Variants in ABI3 observed in about 807,000 individuals in gnomAD.
The protein encoded by ABI3 is ABI family member 3.
In ABI3, 24 loss-of-function variants were observed where a neutral mutation model predicts 37.0. The ratio of observed to expected loss-of-function variants is 0.65; its 90% CI spans 0.47 to 0.91. ABI3 has a LOEUF of 0.91. ABI3 is among the 40% of genes least tolerant of loss of function. The pLI is 0.00. For synonymous variants in ABI3, 220 were observed against 211.8 expected (o/e 1.04, Z -0.34); for missense variants, 481 against 485.1 (o/e 0.99, Z 0.08).
At position 49,217,651 on chromosome 17, in the gene ABI3, C is replaced by A. The variant is rs555809560; in HGVS notation, c.286-88C>A. On this transcript the variant is annotated intron_variant, in intron 2 of 7. Transcript: ENST00000225941. ...TCTAGACCTGGCTGCCTCCCCCCCC[C>A]AGCCCAGTCTTTATCTTCTTCCTCC... The A allele has an allele frequency of 1.2e-4, 162 of 1,302,390 alleles. No individual in the cohort carries two copies. In the African/African-American group the frequency reaches 2.1e-3, roughly 17 times the overall value. 80.7% of individuals were successfully genotyped at this position (1,302,390 alleles called of 1,614,324 possible). A position where few individuals can be genotyped will look rare whatever the true frequency, so the allele number is the denominator to read the frequency against.
chr17:49,220,451 G>A, intron 6 of ABI3, 125 bp downstream of exon 6: 1 of 1,252,180 alleles, frequency 8.0e-7, no homozygotes, highest in Non-Finnish European at 1.1e-6. Context: ...AAGGAGCGCA[G>A]CACAGGGGCG....
chr17:49,212,292 T>C (rs1383354789), intron 1 of ABI3, among the ~76,000 whole-genome samples: 2 of 152,092 alleles, frequency 1.3e-5, no homozygotes, highest in Non-Finnish European at 2.9e-5. Flanking sequence ...CCTCTCCATC[T>C]TTCTGCCTCC....
At position 49,220,255 on chromosome 17, in the gene ABI3, C is replaced by A. The variant is rs371508417; in HGVS notation, c.731C>A (p.Pro244His). ...CCTCTCCCCAGCTCCTTGGACCCAC[C>A]TCCTCCACCAGCAGCCGTCGAGGTG... ...APPLPSSLDP[P>H]PPPAAVEVFQ... Residue 244 changes from proline (P) to histidine (H), a missense_variant, in exon 6 of 8, where the codon CCT (proline) becomes CAT (histidine). Pro to His is a moderately conservative substitution (Grantham distance 77). Transcript: ENST00000225941. 3 of 1,610,102 alleles carry A rather than the reference C, an allele frequency of 1.9e-6. No homozygotes were observed. Among genetic ancestry groups the A allele is most frequent in the African/African-American group, 2.7e-5 (2 of 74,884 alleles).
chr17:49,221,762 CTGGA>C (rs2043291639), intron 6 of ABI3, among the ~76,000 whole-genome samples: 2 of 152,160 alleles, frequency 1.3e-5, no homozygotes, highest in African/African-American at 4.8e-5. Flanking sequence ...GTCATCCAGG[CTGGA>C]TGGAGTGTGT....
intron 1 of ABI3, among the ~76,000 whole-genome samples, chr17:49,213,912 G>C (rs1372658659): frequency 1.3e-5 from 2 of 152,212 alleles, no homozygotes; most frequent in Non-Finnish European, 2.9e-5. Flanking sequence ...CTGCTCTCCT[G>C]TCTGGTGTTA....
chr17:49,223,034 T>A lies in ABI3; in HGVS notation c.*319T>A. 2.1e-6 allele frequency: 1 copy of A among 482,710 alleles called. No homozygotes were observed. Among genetic ancestry groups the A allele is most frequent in the Non-Finnish European group, 3.7e-6 (1 of 273,116 alleles). The allele number at this position is 482,710 out of a possible 1,614,324, so 29.9% of individuals were successfully genotyped here. A position where few individuals can be genotyped will look rare whatever the true frequency, so the allele number is the denominator to read the frequency against. Reference sequence around the variant, plus strand: ...ATGTCCTGTGACTGCCCCACAGAGATAAGGGGCCAGGAGGGATTGAAAGGC... The same window carrying A: ...ATGTCCTGTGACTGCCCCACAGAGAAAAGGGGCCAGGAGGGATTGAAAGGC... On this transcript the variant is annotated 3_prime_UTR_variant, in exon 8 of 8. Transcript: ENST00000225941.
Position 49,222,110 on chromosome 17 carries a change from A to G in ABI3, c.822A>G (p.Pro274=). 6.2e-7 allele frequency: 1 copy of G among 1,609,504 alleles called. No homozygotes were observed. The highest frequency in any genetic ancestry group is 8.5e-7 in the Non-Finnish European group (1 of 1,177,764). Reference sequence around the variant, plus strand: ...CCCAAGACGAAGAGCTGCCCCTGCCACTGGACCTGCCTCCTCCTCCACCCC... The same window carrying G: ...CCCAAGACGAAGAGCTGCCCCTGCCGCTGGACCTGCCTCCTCCTCCACCCC... ...PPPPDEELPL[P]LDLPPPPPLD... Residue 274 remains proline, a synonymous_variant, in exon 7 of 8, where the codon CCA becomes CCG. Transcript: ENST00000225941.
In ABI3 at chr17:49,222,646, C is replaced by T. The variant is rs767278977; in HGVS notation, c.1032C>T (p.Gly344=). 14 of 1,613,240 alleles carry T rather than the reference C, an allele frequency of 8.7e-6. No homozygotes were observed. In the African/African-American group the frequency reaches 1.9e-4, roughly 22 times the overall value. ...GTGTCACTCGCCGCTACTCCGATGG[C>T]TGGTGCGAGGGCGTCAGCTCAGAGG... ...VICVTRRYSD[G]WCEGVSSEGT... The change falls in exon 8 of 8, where the codon GGC becomes GGT. Residue 344 remains glycine (G), a synonymous_variant. Transcript: ENST00000225941.
Position 49,219,653 on chromosome 17 carries a change from C to T in ABI3, c.548+28C>T. The T allele has an allele frequency of 6.4e-7, 1 of 1,564,952 alleles. No homozygotes were observed. ...GAGGCCTCGCCGCGACGCCAACTAGCCTAGCCCTGCCCCGCGCGACCCTGA... is the reference window on the plus strand; with the variant it reads ...GAGGCCTCGCCGCGACGCCAACTAGTCTAGCCCTGCCCCGCGCGACCCTGA... On this transcript the variant is annotated intron_variant, in intron 4 of 7. Coordinates refer to ENST00000225941, the MANE Select transcript of ABI3 (RefSeq NM_016428.3). The surrounding 1 kb of genome is among the most constrained non-coding windows in gnomAD (Gnocchi z 4.3).
intron 7 of ABI3, 116 bp from the exon 8 acceptor site, chr17:49,222,436 C>T: frequency 2.8e-6 from 4 of 1,421,346 alleles, no homozygotes; most frequent in Non-Finnish European, 3.8e-6. Context: ...CAAGAAGGCC[C>T]CCAAGATGGC....
At chr17:49,216,804 C>G (rs1353515816) in intron 2 of ABI3, 106 bp downstream of exon 2, 2 of 1,265,896 alleles carry the variant, frequency 1.6e-6, no homozygotes, top group East Asian at 3.1e-5. Flanking sequence ...TCCTCCATGT[C>G]CAAATGCCCA....
At chr17:49,216,385 G>A in intron 1 of ABI3, 146 bp from the exon 2 acceptor site, 1 of 632,004 alleles carries the variant, frequency 1.6e-6, no homozygotes, top group Non-Finnish European at 2.4e-6. Flanking sequence ...ACATCATTCT[G>A]CTGGGAGCCA....
chr17:49,222,810 GCC>G lies in ABI3; in HGVS notation c.*97_*98del. 3 of 1,372,736 alleles carry G rather than the reference GCC, an allele frequency of 2.2e-6. No homozygotes were observed. The highest frequency in any genetic ancestry group is 2.0e-6 in the Non-Finnish European group (2 of 1,016,182). 85.0% of individuals were successfully genotyped at this position (1,372,736 alleles called of 1,614,324 possible). A position where few individuals can be genotyped will look rare whatever the true frequency, so the allele number is the denominator to read the frequency against. ...CTCCAGTCACAGCTGGACTGGGTCT[GCC>G]CACCTCTTGGGCTGTGAGCTGTGTT... On this transcript the variant is annotated 3_prime_UTR_variant, in exon 8 of 8. Coordinates refer to ENST00000225941, the MANE Select transcript of ABI3 (RefSeq NM_016428.3).
Position 49,219,413 on chromosome 17 carries a change from T to A in ABI3, c.463-127T>A. ...AGGAGAGGGGCCTGAGAAGTGGAAGTGGGAACTGGCTATGCCGGGCTCTCC... is the reference window on the plus strand; with the variant it reads ...AGGAGAGGGGCCTGAGAAGTGGAAGAGGGAACTGGCTATGCCGGGCTCTCC... On this transcript the variant is annotated intron_variant, in intron 3 of 7. Coordinates refer to ENST00000225941, the MANE Select transcript of ABI3 (RefSeq NM_016428.3). The surrounding 1 kb of genome is among the most constrained non-coding windows in gnomAD (Gnocchi z 4.3). 2.6e-6 allele frequency: 2 copies of A among 755,934 alleles called. No individual in the cohort carries two copies. The highest frequency in any genetic ancestry group is 4.3e-6 in the Non-Finnish European group (2 of 462,156). 46.8% of individuals were successfully genotyped at this position (755,934 alleles called of 1,614,324 possible).
At chr17:49,218,136 G>A (rs1365691848) in intron 3 of ABI3, among the ~76,000 whole-genome samples, 4 of 152,242 alleles carry the variant, frequency 2.6e-5, no homozygotes, top group Non-Finnish European at 5.9e-5. Context: ...TCTGCTGAGT[G>A]TGAGATCCTG....
At chr17:49,221,211 C>A (rs1231458336) in intron 6 of ABI3, among the ~76,000 whole-genome samples, 4 of 151,706 alleles carry the variant, frequency 2.6e-5, no homozygotes, top group African/African-American at 9.7e-5. Context: ...TGGCTCACGC[C>A]TGTAATCCCA....
chr17:49,218,344 T>A (rs2043243432), intron 3 of ABI3, among the ~76,000 whole-genome samples: 1 of 152,148 alleles, frequency 6.6e-6, no homozygotes, highest in South Asian at 2.1e-4. Flanking sequence ...GAAGCGGGGA[T>A]ACAGCCACAC....
intron 3 of ABI3, among the ~76,000 whole-genome samples, chr17:49,218,770 ATTTTTT>A (rs71144583): frequency 5.3e-5 from 7 of 131,786 alleles, no homozygotes; most frequent in African/African-American, 1.8e-4. Context: ...TGCCCGGCTA[ATTTTTT>A]TTTTTTTTTT....
At chr17:49,215,793 T>A (rs1458120211) in intron 1 of ABI3, among the ~76,000 whole-genome samples, 1 of 149,458 alleles carries the variant, frequency 6.7e-6, no homozygotes, top group Non-Finnish European at 1.5e-5. Flanking sequence ...CCACCGTGCC[T>A]GACATGGTTT....
Sources: gnomAD v4.1 joint callset for allele counts (sites outside exome capture counted in the v4.1 genomes callset) on GRCh38, gnomAD v4.1.1 for gene constraint, Gnocchi (gnomAD v3.1) non-coding constraint, MANE v1.5 for transcripts, NCBI Gene and HGNC (gene_info 2026-07-23, HGNC 2026-07-21) for gene names.